ARHGAP32: variants seen among roughly 807,000 people sequenced by gnomAD.
The protein encoded by ARHGAP32 is rho GTPase-activating protein 32.
Under a neutral mutation model 186.5 loss-of-function variants are expected in ARHGAP32, and 51 were observed. The observed-to-expected ratio is 0.27, with a 90% CI of 0.22 to 0.35. The LOEUF is 0.35. Among genes scored for constraint, ARHGAP32 ranks in the 10% least tolerant of loss-of-function variants. The pLI, the probability that ARHGAP32 is intolerant of heterozygous loss-of-function variation, is 1.00. For synonymous variants in ARHGAP32, 950 were observed against 964.3 expected, an observed-to-expected ratio of 0.99 and a Z score of 0.27; for missense variants, 2,186 against 2,623.5, an observed-to-expected ratio of 0.83 and a Z score of 3.64.
At chr11:129,002,534 A>G (rs189391500) in intron 11 of ARHGAP32, among the ~76,000 whole-genome samples, 132 of 152,292 alleles carry the variant, frequency 8.7e-4, no homozygotes, top group Non-Finnish European at 1.7e-3. Context: ...TATTATCTGC[A>G]AACAAGGATA....
At chr11:129,076,138 C>T (rs750043235) in intron 6 of ARHGAP32, among the ~76,000 whole-genome samples, 12 of 152,196 alleles carry the variant, frequency 7.9e-5, no homozygotes, top group Non-Finnish European at 1.2e-4. Flanking sequence ...GAGATAACAA[C>T]GTCAAGAAGT....
intron 1 of ARHGAP32, among the ~76,000 whole-genome samples, chr11:129,214,896 A>G (rs1007348467): frequency 2.6e-5 from 4 of 152,200 alleles, no homozygotes; most frequent in Non-Finnish European, 5.9e-5. Flanking sequence ...ACAATAGCAA[A>G]TGCATGGGCA....
chr11:129,241,461 A>C (rs1175016345), intron 1 of ARHGAP32, among the ~76,000 whole-genome samples: 1 of 151,832 alleles, frequency 6.6e-6, no homozygotes, highest in Non-Finnish European at 1.5e-5. Flanking sequence ...TGGGCAACAG[A>C]GCAAGCCCAC....
intron 11 of ARHGAP32, among the ~76,000 whole-genome samples, chr11:129,019,459 AC>A (rs1358044380): frequency 6.6e-6 from 1 of 152,172 alleles, no homozygotes; most frequent in African/African-American, 2.4e-5. Context: ...CATCCGAATT[AC>A]CTCCTTAAAA....
chr11:129,073,214 G>A (rs139207943), intron 6 of ARHGAP32, among the ~76,000 whole-genome samples: 5 of 152,064 alleles, frequency 3.3e-5, no homozygotes, highest in Admixed American at 6.5e-5. Flanking sequence ...AAATCACAAC[G>A]TGAACTAAAA....
At chr11:129,152,914 G>A (rs569570514) in intron 2 of ARHGAP32, among the ~76,000 whole-genome samples, 1 of 152,178 alleles carries the variant, frequency 6.6e-6, no homozygotes, top group Non-Finnish European at 1.5e-5. Context: ...ATGAAATAAA[G>A]GTGTCCAAAT....
chr11:129,184,585 C>A (rs1400122656), intron 1 of ARHGAP32, among the ~76,000 whole-genome samples: 1 of 151,666 alleles, frequency 6.6e-6, no homozygotes, highest in Non-Finnish European at 1.5e-5. Flanking sequence ...AGAAATATAT[C>A]ATAAAATAAA....
chr11:128,993,960 TA>T (rs1172605272), intron 12 of ARHGAP32, among the ~76,000 whole-genome samples: 1 of 152,146 alleles, frequency 6.6e-6, no homozygotes, highest in Non-Finnish European at 1.5e-5. Flanking sequence ...GATTTTATCA[TA>T]ATTAGGGAAC....
intron 11 of ARHGAP32, among the ~76,000 whole-genome samples, chr11:129,016,198 T>A (rs1938330376): frequency 6.6e-6 from 1 of 152,182 alleles, no homozygotes; most frequent in African/African-American, 2.4e-5. Flanking sequence ...ACTGATCATA[T>A]CCTTGCCCAT....
chr11:129,277,365 C>A (rs968023246), intron 1 of ARHGAP32, among the ~76,000 whole-genome samples: 2 of 152,154 alleles, frequency 1.3e-5, no homozygotes, highest in African/African-American at 4.8e-5. Flanking sequence ...GGAATTCAAA[C>A]CAACATCAAA....
chr11:129,186,496 G>A (rs1944164604), intron 1 of ARHGAP32, among the ~76,000 whole-genome samples: 1 of 152,150 alleles, frequency 6.6e-6, no homozygotes, highest in Non-Finnish European at 1.5e-5. Context: ...ATTCACTGAT[G>A]AGAGTATGTT....
At chr11:129,247,274 G>A (rs1945113357) in intron 1 of ARHGAP32, among the ~76,000 whole-genome samples, 1 of 152,126 alleles carries the variant, frequency 6.6e-6, no homozygotes, top group East Asian at 1.9e-4. Flanking sequence ...ACCCAGTTTT[G>A]TTCATCATTC....
At chr11:129,025,238 G>GT (rs2134921585) in intron 11 of ARHGAP32, among the ~76,000 whole-genome samples, 1 of 152,262 alleles carries the variant, frequency 6.6e-6, no homozygotes, top group African/African-American at 2.4e-5. Flanking sequence ...TCCCATAACA[G>GT]TAACTGGCAA....
chr11:129,176,584 A>C (rs1216837067), intron 1 of ARHGAP32, among the ~76,000 whole-genome samples: 1 of 148,416 alleles, frequency 6.7e-6, no homozygotes, highest in Non-Finnish European at 1.5e-5. Flanking sequence ...ATAACAAACT[A>C]TCTCTCAGAC....
At chr11:129,193,473 C>T (rs1432127472), upstream of ARHGAP32, among the ~76,000 whole-genome samples, 1 of 82,802 alleles carries the variant, frequency 1.2e-5, no homozygotes, top group Non-Finnish European at 2.3e-5. Flanking sequence ...CACAGCAAGA[C>T]CCTGTCTCAA....
At chr11:129,031,165 T>C (rs1939097815) in intron 11 of ARHGAP32, among the ~76,000 whole-genome samples, 1 of 152,236 alleles carries the variant, frequency 6.6e-6, no homozygotes, top group Admixed American at 6.5e-5. Flanking sequence ...GCATGTAGAT[T>C]TATATCAATA....
At chr11:129,132,664 T>C (rs1216430317) in intron 2 of ARHGAP32, among the ~76,000 whole-genome samples, 1 of 152,122 alleles carries the variant, frequency 6.6e-6, no homozygotes, top group Non-Finnish European at 1.5e-5. Context: ...CAGCATAATA[T>C]TCAGAATGTC....
intron 11 of ARHGAP32, among the ~76,000 whole-genome samples, chr11:129,036,380 C>CAAAAAAAAAAAAAAAAAAAAAAAAAAAAA (rs58678377): frequency 2.0e-5 from 2 of 98,698 alleles, no homozygotes; most frequent in Non-Finnish European, 1.9e-5. Flanking sequence ...AACTCCGTCT[C>CAAAAAAAAAAAAAAAAAAAAAAAAAAAAA]AAAAAAAAAA....
intron 1 of ARHGAP32, among the ~76,000 whole-genome samples, chr11:129,242,397 C>T (rs1262333898): frequency 3.9e-5 from 6 of 152,066 alleles, no homozygotes; most frequent in African/African-American, 1.4e-4. Flanking sequence ...TAACACATTT[C>T]TAAAATTACT....
Sources: allele counts gnomAD v4.1 joint callset (sites outside exome capture counted in the v4.1 genomes callset), GRCh38; gene constraint gnomAD v4.1.1; transcripts MANE v1.5; gene names NCBI Gene and HGNC (gene_info 2026-07-23, HGNC 2026-07-21).